C1QTNF9: variants seen among roughly 807,000 people sequenced by gnomAD.
C1QTNF9 encodes complement C1q and tumor necrosis factor-related protein 9A.
Under a neutral mutation model 10.1 loss-of-function variants are expected in C1QTNF9, and 6 were observed. The observed-to-expected ratio is 0.59, with a 90% CI of 0.32 to 1.17. The LOEUF is 1.17. C1QTNF9 is among the 50% of genes most tolerant of loss of function. C1QTNF9 has a pLI of 0.04. For synonymous variants in C1QTNF9, 98 were observed against 163.5 expected (o/e 0.60, Z 3.06); for missense variants, 201 against 418.8 (o/e 0.48, Z 4.54).
chr13:24,308,954 T>TGTGA (rs983941540), upstream of C1QTNF9, among the ~76,000 whole-genome samples: 4 of 152,124 alleles, frequency 2.6e-5, no homozygotes, highest in African/African-American at 9.7e-5. Context: ...AGTGTGTGAT[T>TGTGA]GTGAGAGGGG....
chr13:24,321,814 T>A (rs774253157), exon 4 of C1QTNF9: 2 of 1,510,700 alleles, frequency 1.3e-6, no homozygotes, highest in East Asian at 2.3e-5. Flanking sequence ...CAGAATCAGC[T>A]TGGGATGAAC....
At chr13:24,320,740 A>G (rs1878222057) in intron 3 of C1QTNF9, among the ~76,000 whole-genome samples, 1 of 150,270 alleles carries the variant, frequency 6.7e-6, no homozygotes, top group African/African-American at 2.5e-5. Flanking sequence ...TTTTAGAGTC[A>G]GGGTATTGCT....
intron 3 of C1QTNF9, among the ~76,000 whole-genome samples, chr13:24,319,601 A>G (rs1878171417): frequency 6.6e-6 from 1 of 152,072 alleles, no homozygotes. Context: ...CATGTAAACC[A>G]TATTTGTTTA....
At chr13:24,317,839 G>A (rs543515323) in intron 2 of C1QTNF9, among the ~76,000 whole-genome samples, 7 of 149,276 alleles carry the variant, frequency 4.7e-5, no homozygotes, top group Non-Finnish European at 7.4e-5. Context: ...CAGGGGAGCA[G>A]CCAGTGGAGG....
At chr13:24,307,938 G>A (rs1379044611), upstream of C1QTNF9, among the ~76,000 whole-genome samples, 1 of 152,240 alleles carries the variant, frequency 6.6e-6, no homozygotes, top group South Asian at 2.1e-4. Flanking sequence ...GTAAGCAGGA[G>A]GCCAGGATCC....
intron 3 of C1QTNF9, 49 bp downstream of exon 3, chr13:24,318,929 T>C: frequency 6.2e-7 from 1 of 1,603,708 alleles, no homozygotes; most frequent in East Asian, 2.2e-5. Flanking sequence ...GTCGACTATT[T>C]AACAATATTA....
exon 4 of C1QTNF9, chr13:24,321,714 T>C: frequency 1.9e-6 from 3 of 1,608,440 alleles, no homozygotes; most frequent in Non-Finnish European, 2.6e-6. Flanking sequence ...GCTTGTTTGC[T>C]GATGAGGACG....
intron 2 of C1QTNF9, among the ~76,000 whole-genome samples, chr13:24,317,967 C>T (rs113123791): frequency 0.13 from 19,292 of 152,118 alleles, 1,341 homozygotes; most frequent in Middle Eastern, 0.26. Context: ...GGAGAACAGA[C>T]ATCGTGACAG....
rs574988074 is a variant in C1QTNF9 at position 24,320,726 on chromosome 13, T to C, written c.230-270T>C. On this transcript the variant is annotated intron_variant, in intron 3 of 3. Transcript: ENST00000332018. ...ATTTTCTTATTTTTCTTTTTCTTTT[T>C]TTTTTTTAGAGTCAGGGTATTGCTA... 2.0e-5 allele frequency among the ~76,000 whole-genome samples: 3 copies of C among 152,118 alleles called. No homozygotes were observed. The East Asian group carries it at 5.8e-4, about 29-fold the overall frequency.
At chr13:24,317,369 A>T (rs1394740452) in intron 2 of C1QTNF9, among the ~76,000 whole-genome samples, 1 of 152,172 alleles carries the variant, frequency 6.6e-6, no homozygotes, top group African/African-American at 2.4e-5. Context: ...TAGATAAAAA[A>T]TAGAGGACAA....
chr13:24,309,248 G>A (rs1593529251), upstream of C1QTNF9, among the ~76,000 whole-genome samples: 1 of 135,006 alleles, frequency 7.4e-6, no homozygotes, highest in African/African-American at 2.8e-5. Context: ...TAACAAACCT[G>A]CACGTTGTGC....
intron 3 of C1QTNF9, among the ~76,000 whole-genome samples, chr13:24,319,735 G>A (rs1280385860): frequency 6.6e-6 from 1 of 152,234 alleles, no homozygotes; most frequent in Non-Finnish European, 1.5e-5. Context: ...AGCACTGCAT[G>A]GAGGAGGTGG....
At chr13:24,321,605 A>T (rs767335276) in exon 4 of C1QTNF9, 2 of 1,614,234 alleles carry the variant, frequency 1.2e-6, no homozygotes, top group South Asian at 2.2e-5. Context: ...AAAGATGCTT[A>T]CATGAGCTCT....
intron 2 of C1QTNF9, among the ~76,000 whole-genome samples, chr13:24,318,404 T>C (rs1264327791): frequency 6.6e-6 from 1 of 152,134 alleles, no homozygotes; most frequent in Non-Finnish European, 1.5e-5. Context: ...TCCGTTCCAC[T>C]CTCCTCAAGA....
At position 24,313,246 on chromosome 13, in the gene C1QTNF9, C is replaced by G. The variant is rs1440462712; in HGVS notation, c.-22-2736C>G. Among the ~76,000 whole-genome samples the G allele has an allele frequency of 2.0e-5, 3 of 152,204 alleles. No homozygotes were observed. The East Asian group carries it at 5.8e-4, about 29-fold the overall frequency. On this transcript the variant is annotated intron_variant, in intron 1 of 3. Coordinates refer to ENST00000332018, the Ensembl canonical transcript of C1QTNF9. ...GCTGTATAAACAAGCTAGATAGACTCTACCTACATCAAATATGCAAAACTA... is the reference window on the plus strand; with the variant it reads ...GCTGTATAAACAAGCTAGATAGACTGTACCTACATCAAATATGCAAAACTA...
chr13:24,316,426 C>T (rs1878041333), intron 2 of C1QTNF9, among the ~76,000 whole-genome samples: 1 of 152,102 alleles, frequency 6.6e-6, no homozygotes, highest in Admixed American at 6.5e-5. Context: ...TCGCCATGAC[C>T]CCTGCCCTCC....
At chr13:24,320,501 C>T (rs909780387) in intron 3 of C1QTNF9, among the ~76,000 whole-genome samples, 15 of 152,196 alleles carry the variant, frequency 9.9e-5, no homozygotes, top group African/African-American at 3.6e-4. Flanking sequence ...CCTCCCACCT[C>T]AGCCTCCTGA....
At chr13:24,309,182 G>A (rs1367338555), upstream of C1QTNF9, among the ~76,000 whole-genome samples, 1 of 151,226 alleles carries the variant, frequency 6.6e-6, no homozygotes, top group Non-Finnish European at 1.5e-5. Context: ...ACATCACTTT[G>A]AAAAAGAAAG....
chr13:24,313,376 A>G (rs1300396404), intron 1 of C1QTNF9, among the ~76,000 whole-genome samples: 1 of 152,202 alleles, frequency 6.6e-6, no homozygotes, highest in Admixed American at 6.5e-5. Context: ...TGATCTTCTG[A>G]TCATTTTATT....
Sources: allele counts gnomAD v4.1 joint callset (sites outside exome capture counted in the v4.1 genomes callset), GRCh38; gene constraint gnomAD v4.1.1; transcripts MANE v1.5; gene names NCBI Gene and HGNC (gene_info 2026-07-23, HGNC 2026-07-21).